The following EIPR1 variants were observed in gnomAD, a reference collection of about 807,000 sequenced individuals.
The protein encoded by EIPR1 is EARP and GARP complex-interacting protein 1.
EIPR1 carries 25 observed loss-of-function variants against 48.1 expected under a neutral mutation model. That is an observed-to-expected ratio of 0.52 (90% CI 0.38 to 0.73). The LOEUF is 0.73. Among genes scored for constraint, EIPR1 ranks in the 30% least tolerant of loss-of-function variants. The probability of loss-of-function intolerance (pLI) is 0.00; values close to 1 mark genes in which losing one functional copy is unlikely to be tolerated. For synonymous variants in EIPR1, 204 were observed against 201.9 expected, an observed-to-expected ratio of 1.01 and a Z score of -0.09; for missense variants, 415 against 506.2, an observed-to-expected ratio of 0.82 and a Z score of 1.73.
chr2:3,238,850 C>T (rs1264193986), intron 4 of EIPR1, among the ~76,000 whole-genome samples: 4 of 152,198 alleles, frequency 2.6e-5, no homozygotes, highest in Non-Finnish European at 4.4e-5. Context: ...GCGGGCCCTC[C>T]GGCTCCTTAC....
chr2:3,314,977 C>A (rs1206656999), intron 3 of EIPR1, among the ~76,000 whole-genome samples: 1 of 151,752 alleles, frequency 6.6e-6, no homozygotes, highest in African/African-American at 2.4e-5. Flanking sequence ...GCATCTTCTG[C>A]TGCTGCTCTC....
At chr2:3,294,846 C>CTG (rs1668492214) in intron 3 of EIPR1, among the ~76,000 whole-genome samples, 1 of 130,508 alleles carries the variant, frequency 7.7e-6, no homozygotes. Flanking sequence ...CATCCTCTCT[C>CTG]CACATACCCT....
In EIPR1 at chr2:3,218,193, C is replaced by T. The variant is rs867781805; in HGVS notation, c.417-3945G>A. Among the ~76,000 whole-genome samples, 47 of 148,932 alleles carry T rather than the reference C, an allele frequency of 3.2e-4. 1 individual carries two copies. The highest frequency in any genetic ancestry group is 7.4e-4 in the Admixed American group (11 of 14,916). On this transcript the variant is annotated intron_variant, in intron 4 of 8. Coordinates refer to ENST00000382125, the MANE Select transcript of EIPR1 (RefSeq NM_003310.5). ...GTGGACACCCAACACGGCCCTGATACGCTCTAGAGCTTTCACAGTGAGTCA... is the reference window on the plus strand; with the variant it reads ...GTGGACACCCAACACGGCCCTGATATGCTCTAGAGCTTTCACAGTGAGTCA...
intron 3 of EIPR1, among the ~76,000 whole-genome samples, chr2:3,298,804 AC>A (rs915845805): frequency 2.6e-5 from 4 of 151,876 alleles, no homozygotes; most frequent in African/African-American, 9.7e-5. Flanking sequence ...CAGAAGACTC[AC>A]CCCCCATAAG....
At chr2:3,376,070 T>C (rs926014300) in intron 1 of EIPR1, among the ~76,000 whole-genome samples, 3 of 151,144 alleles carry the variant, frequency 2.0e-5, no homozygotes, top group African/African-American at 4.9e-5. Flanking sequence ...AGCTCAGGAG[T>C]GTGAGACCAG....
At chr2:3,314,638 G>A (rs903350046) in intron 3 of EIPR1, among the ~76,000 whole-genome samples, 6 of 146,116 alleles carry the variant, frequency 4.1e-5, no homozygotes, top group African/African-American at 7.4e-5. Flanking sequence ...GCCTGTTGCC[G>A]TCCCTCTCTT....
At chr2:3,345,433 T>G (rs1233398357) in intron 2 of EIPR1, among the ~76,000 whole-genome samples, 3 of 151,918 alleles carry the variant, frequency 2.0e-5, no homozygotes, top group African/African-American at 7.2e-5. Context: ...AAGACTAGCC[T>G]GGCCAACACG....
intron 2 of EIPR1, among the ~76,000 whole-genome samples, chr2:3,350,322 C>T (rs1670534739): frequency 6.6e-6 from 1 of 151,980 alleles, no homozygotes; most frequent in Non-Finnish European, 1.5e-5. Context: ...GGGGATGTGC[C>T]ACACCCTTTC....
intron 5 of EIPR1, among the ~76,000 whole-genome samples, chr2:3,201,175 T>C (rs1396713982): frequency 1.3e-5 from 2 of 152,142 alleles, no homozygotes; most frequent in African/African-American, 4.8e-5. Context: ...GGCTCCCGTA[T>C]GTGCACAGGG....
At chr2:3,355,264 C>T (rs1670693941) in intron 1 of EIPR1, among the ~76,000 whole-genome samples, 2 of 152,180 alleles carry the variant, frequency 1.3e-5, no homozygotes, top group African/African-American at 4.8e-5. Flanking sequence ...CACAAAAACC[C>T]AAGCACAGGG....
At chr2:3,192,069 G>A (rs111315180) in intron 8 of EIPR1, among the ~76,000 whole-genome samples, 1,594 of 152,346 alleles carry the variant, frequency 0.01, 31 homozygotes, top group African/African-American at 0.036. Flanking sequence ...CTCTTACAGG[G>A]AGTGCTGTGA....
chr2:3,344,618 T>C (rs2103360910), intron 2 of EIPR1, among the ~76,000 whole-genome samples: 1 of 150,004 alleles, frequency 6.7e-6, no homozygotes, highest in Admixed American at 6.6e-5. Context: ...AATAGAAACA[T>C]ATACTGGTTC....
chr2:3,194,332 T>G (rs1664720567), intron 6 of EIPR1, 166 bp from the exon 7 acceptor site: 1 of 696,796 alleles, frequency 1.4e-6, no homozygotes. Context: ...TGGCGCCACC[T>G]CCTCCATCCC....
chr2:3,197,777 C>T (rs1437763439), intron 5 of EIPR1, among the ~76,000 whole-genome samples: 1 of 152,252 alleles, frequency 6.6e-6, no homozygotes, highest in African/African-American at 2.4e-5. Context: ...TCCTCTGTCA[C>T]ACCTGCCCCC....
chr2:3,302,954 C>T (rs1558284899), intron 3 of EIPR1, among the ~76,000 whole-genome samples: 1 of 152,170 alleles, frequency 6.6e-6, no homozygotes, highest in Admixed American at 6.5e-5. Flanking sequence ...AGCAGGGACA[C>T]GAAATCTGAC....
chr2:3,240,235 C>CCTTT (rs1666558851), intron 4 of EIPR1, among the ~76,000 whole-genome samples: 4 of 53,362 alleles, frequency 7.5e-5, no homozygotes, highest in East Asian at 5.7e-4. Flanking sequence ...AGCCAGCAGA[C>CCTTT]CCTTCCTAAA....
At chr2:3,355,934 G>A (rs777012157) in intron 1 of EIPR1, among the ~76,000 whole-genome samples, 109 of 152,272 alleles carry the variant, frequency 7.2e-4, no homozygotes, top group Admixed American at 3.7e-3. Context: ...AACGGCTACC[G>A]AGGATTCAAA....
At chr2:3,277,393 A>T (rs766962319) in intron 3 of EIPR1, among the ~76,000 whole-genome samples, 18 of 152,246 alleles carry the variant, frequency 1.2e-4, no homozygotes, top group Non-Finnish European at 1.3e-4. Flanking sequence ...AGGGTGATTT[A>T]CATGCGGGAT....
At chr2:3,317,649 G>A (rs761820990) in intron 3 of EIPR1, among the ~76,000 whole-genome samples, 13 of 152,178 alleles carry the variant, frequency 8.5e-5, no homozygotes, top group Admixed American at 4.6e-4. Context: ...CAATTCCCCC[G>A]CCTAATTCAT....
Sources: allele counts gnomAD v4.1 joint callset (sites outside exome capture counted in the v4.1 genomes callset), GRCh38; gene constraint gnomAD v4.1.1; transcripts MANE v1.5; gene names NCBI Gene and HGNC (gene_info 2026-07-23, HGNC 2026-07-21).